Variants in EPHA6 observed in about 807,000 individuals in gnomAD.
The protein encoded by EPHA6 is ephrin type-A receptor 6.
A neutral mutation model predicts 112.0 loss-of-function variants in EPHA6; 50 were observed. That is an observed-to-expected ratio of 0.45 (90% CI 0.36 to 0.56). EPHA6 has a LOEUF of 0.56. EPHA6 is among the 20% of genes least tolerant of loss of function. The probability of loss-of-function intolerance (pLI) is 0.00; values close to 1 mark genes in which losing one functional copy is unlikely to be tolerated. For missense variants in EPHA6, 1,280 were observed against 1,417.4 expected (o/e 0.90, Z 1.56); for synonymous variants, 529 against 490.7 (o/e 1.08, Z -1.03).
At chr3:97,569,011 C>G (rs912444785) in intron 11 of EPHA6, among the ~76,000 whole-genome samples, 2 of 152,066 alleles carry the variant, frequency 1.3e-5, no homozygotes, top group African/African-American at 4.8e-5. Context: ...AGTCAGACAC[C>G]AAGGGTAGGA....
At chr3:97,693,411 C>T (rs1360668486) in intron 14 of EPHA6, among the ~76,000 whole-genome samples, 1 of 152,116 alleles carries the variant, frequency 6.6e-6, no homozygotes, top group African/African-American at 2.4e-5. Flanking sequence ...TTCTGAAGGA[C>T]AATTGTTTCT....
chr3:97,469,382 T>C (rs1342658073), intron 7 of EPHA6, among the ~76,000 whole-genome samples: 2 of 151,720 alleles, frequency 1.3e-5, no homozygotes, highest in Admixed American at 6.6e-5. Context: ...AATAAATATA[T>C]GTGAAGTAAA....
At chr3:97,716,800 C>A (rs2034259794) in intron 14 of EPHA6, among the ~76,000 whole-genome samples, 2 of 152,158 alleles carry the variant, frequency 1.3e-5, no homozygotes, top group African/African-American at 2.4e-5. Flanking sequence ...TTTGTGCATA[C>A]CATCAGGTTC....
chr3:97,267,889 C>T (rs1025244527), intron 5 of EPHA6, among the ~76,000 whole-genome samples: 1 of 152,076 alleles, frequency 6.6e-6, no homozygotes, highest in African/African-American at 2.4e-5. Context: ...AGATGAGTAA[C>T]CTTCTACCAG....
chr3:97,198,092 G>C lies in EPHA6; in HGVS notation c.1115-28172G>C, dbSNP rs557026031. Among the ~76,000 whole-genome samples the C allele has an allele frequency of 2.0e-5, 3 of 152,136 alleles. No homozygotes were observed. The East Asian group carries it at 5.8e-4, about 30-fold the overall frequency. Reference sequence around the variant, plus strand: ...AACTCAAGACTATCTTTTCTACACTGTTCATGCCTCTTTCCTTATGATGTT... The same window carrying C: ...AACTCAAGACTATCTTTTCTACACTCTTCATGCCTCTTTCCTTATGATGTT... On this transcript the variant is annotated intron_variant, in intron 3 of 17. Transcript: ENST00000389672.
At position 97,437,134 on chromosome 3, in the gene EPHA6, T is replaced by A. The variant is rs144599566; in HGVS notation, c.1732-11434T>A. Among the ~76,000 whole-genome samples the A allele has an allele frequency of 7.7e-3, 1,170 of 152,118 alleles. 14 individuals carry two copies. Among genetic ancestry groups the A allele is most frequent in the African/African-American group, 0.027 (1,124 of 41,502 alleles). ...CCCAAGACAGTTCTTCTTTGTCCAA[T>A]GTGGCCAGGGAAGCCAAAAGATTGG... On this transcript the variant is annotated intron_variant, in intron 6 of 17. Transcript: ENST00000389672.
intron 2 of EPHA6, among the ~76,000 whole-genome samples, chr3:96,974,767 T>A (rs2042455434): frequency 6.6e-6 from 1 of 152,178 alleles, no homozygotes; most frequent in Non-Finnish European, 1.5e-5. Flanking sequence ...AAGCTTTTGG[T>A]TAAGCAAGAA....
intron 3 of EPHA6, among the ~76,000 whole-genome samples, chr3:97,018,741 C>T (rs537869989): frequency 3.9e-5 from 6 of 152,292 alleles, no homozygotes; most frequent in African/African-American, 7.2e-5. Context: ...TAACCGCAAG[C>T]GAGCTTGACT....
intron 3 of EPHA6, among the ~76,000 whole-genome samples, chr3:97,189,543 G>A (rs551077263): frequency 1.3e-5 from 2 of 152,140 alleles, no homozygotes; most frequent in Admixed American, 1.3e-4. Flanking sequence ...GGCTATAAAT[G>A]GGTAAAGTGC....
chr3:96,981,181 T>C (rs1256030035), intron 2 of EPHA6, among the ~76,000 whole-genome samples: 1 of 152,180 alleles, frequency 6.6e-6, no homozygotes, highest in East Asian at 1.9e-4. Context: ...ATATTGGCTA[T>C]GGGTTTGTCA....
intron 15 of EPHA6, among the ~76,000 whole-genome samples, chr3:97,724,512 T>G (rs1402688179): frequency 1.3e-5 from 2 of 152,130 alleles, no homozygotes; most frequent in African/African-American, 4.8e-5. Flanking sequence ...AGCTCACACA[T>G]ATAATCAATG....
intron 1 of EPHA6, among the ~76,000 whole-genome samples, chr3:96,851,528 T>C (rs1559772202): frequency 6.6e-6 from 1 of 152,142 alleles, no homozygotes; most frequent in Non-Finnish European, 1.5e-5. Flanking sequence ...CTAAGGTCCC[T>C]AAACATATGA....
intron 2 of EPHA6, among the ~76,000 whole-genome samples, chr3:96,959,582 G>A (rs943825957): frequency 2.6e-5 from 4 of 151,918 alleles, no homozygotes; most frequent in African/African-American, 9.7e-5. Context: ...AATTCCAAGT[G>A]ACAAAGATTT....
chr3:96,814,794 A>G lies in EPHA6; in HGVS notation c.171A>G (p.Glu57=). Residue 57 remains glutamate (E), a synonymous_variant, in exon 1 of 18, where the codon GAA becomes GAG. Coordinates refer to ENST00000389672, the MANE Select transcript of EPHA6 (RefSeq NM_001080448.3). Reference sequence around the variant, plus strand: ...CCCCTGCGGGCCGGGTGGAGGAGGAAGAGGAGGAGGAGGAAGAAGACGTGG... The same window carrying G: ...CCCCTGCGGGCCGGGTGGAGGAGGAGGAGGAGGAGGAGGAAGAAGACGTGG... ...GTPPAGRVEE[E]EEEEEEDVDK... The G allele has an allele frequency of 2.5e-6, 4 of 1,602,134 alleles. No homozygotes were observed. The highest frequency in any genetic ancestry group is 3.4e-6 in the Non-Finnish European group (4 of 1,173,558).
Position 97,257,175 on chromosome 3 carries a change from TCAAA to T in EPHA6, c.1606+12891_1606+12894del, listed in dbSNP as rs907468293. ...ATACCCTAAAACAAATTTTAAATGA[TCAAA>T]CAGATATGGTAAAAATAAAATCTTA... On this transcript the variant is annotated intron_variant, in intron 5 of 17. Coordinates refer to ENST00000389672, the MANE Select transcript of EPHA6 (RefSeq NM_001080448.3). 4.4e-4 allele frequency among the ~76,000 whole-genome samples: 67 copies of T among 151,904 alleles called. 1 individual carries two copies. The highest frequency in any genetic ancestry group is 1.6e-3 in the African/African-American group (66 of 41,514).
chr3:97,558,647 C>G (rs1341966236), intron 11 of EPHA6, among the ~76,000 whole-genome samples: 6 of 151,862 alleles, frequency 4.0e-5, no homozygotes, highest in Non-Finnish European at 8.8e-5. Flanking sequence ...AGAAGTAAAG[C>G]AATACTTGAA....
At chr3:96,980,110 A>G (rs908768094) in intron 2 of EPHA6, among the ~76,000 whole-genome samples, 3 of 152,102 alleles carry the variant, frequency 2.0e-5, no homozygotes. Flanking sequence ...GGTGTTTTAG[A>G]CATGAAGTCC....
chr3:96,815,267 C>T (rs1486213434), intron 1 of EPHA6, among the ~76,000 whole-genome samples: 3 of 152,100 alleles, frequency 2.0e-5, no homozygotes, highest in Non-Finnish European at 4.4e-5. Context: ...TGGGTCCCAC[C>T]GCTAGCGGCC....
chr3:97,084,122 A>ATG, intron 3 of EPHA6, among the ~76,000 whole-genome samples: 1 of 106,482 alleles, frequency 9.4e-6, no homozygotes, highest in South Asian at 3.2e-4. Context: ...ATATATATAT[A>ATG]TGGATATATA....
Sources: gnomAD v4.1 joint callset for allele counts (sites outside exome capture counted in the v4.1 genomes callset) on GRCh38, gnomAD v4.1.1 for gene constraint, MANE v1.5 for transcripts, NCBI Gene and HGNC (gene_info 2026-07-23, HGNC 2026-07-21) for gene names.